The following SFMBT2 variants were observed in gnomAD, a reference collection of about 807,000 sequenced individuals.
SFMBT2 encodes scm-like with four MBT domains protein 2.
In SFMBT2, 38 loss-of-function variants were observed where a neutral mutation model predicts 110.1. The observed-to-expected ratio is 0.35, with a 90% confidence interval of 0.27 to 0.45. The LOEUF (loss-of-function observed/expected upper bound fraction) is 0.45, where lower values mean the gene tolerates loss of function less well. SFMBT2 is among the 20% of genes least tolerant of loss of function. The pLI is 1.00. For missense variants in SFMBT2, 1,011 were observed against 1,094.9 expected (o/e 0.92, Z 1.08); for synonymous variants, 425 against 425.4 (o/e 1.00, Z 0.01).
At chr10:7,233,619 C>G (rs930792826) in intron 9 of SFMBT2, among the ~76,000 whole-genome samples, 7 of 152,226 alleles carry the variant, frequency 4.6e-5, no homozygotes, top group African/African-American at 1.7e-4. Flanking sequence ...AATGTTGATG[C>G]AACAGAACCT....
intron 4 of SFMBT2, among the ~76,000 whole-genome samples, chr10:7,317,705 A>G (rs1359227050): frequency 6.6e-6 from 1 of 151,296 alleles, no homozygotes; most frequent in African/African-American, 2.4e-5. Context: ...GACCTGGTCC[A>G]CAGAGGAGAA....
chr10:7,326,721 T>C (rs1338417667), intron 4 of SFMBT2, among the ~76,000 whole-genome samples: 3 of 152,230 alleles, frequency 2.0e-5, no homozygotes, highest in African/African-American at 7.2e-5. Context: ...CTGATTAGCC[T>C]CCGTTTTGAG....
At chr10:7,378,795 G>A (rs1216436981) in intron 2 of SFMBT2, among the ~76,000 whole-genome samples, 1 of 145,772 alleles carries the variant, frequency 6.9e-6, no homozygotes, top group Non-Finnish European at 1.5e-5. Flanking sequence ...GTGGGTGTGT[G>A]TGGCTGTGGG....
At chr10:7,190,479 A>C (rs915999708) in intron 15 of SFMBT2, among the ~76,000 whole-genome samples, 1 of 152,248 alleles carries the variant, frequency 6.6e-6, no homozygotes, top group Non-Finnish European at 1.5e-5. Context: ...GCAGCAATTA[A>C]ATTATGAAAA....
At chr10:7,389,322 C>A (rs1407661553) in intron 1 of SFMBT2, among the ~76,000 whole-genome samples, 1 of 152,010 alleles carries the variant, frequency 6.6e-6, no homozygotes, top group Non-Finnish European at 1.5e-5. Flanking sequence ...TTTTAAAAAG[C>A]CTTTTCCTAA....
chr10:7,249,091 C>T (rs1840715357), intron 7 of SFMBT2: 8 of 981,212 alleles, frequency 8.2e-6, no homozygotes, highest in Non-Finnish European at 8.5e-6. Context: ...TGTCTAAGAG[C>T]ACACAGCTTA....
rs1420161738 is a variant in SFMBT2, at chr10:7,342,353, G to C, written c.436+25296C>G. ...GGGAACCAGAATATCCTTCTAGAAGGGACGGAGAGCCTACAGAATTTAGGA... is the reference window on the plus strand; with the variant it reads ...GGGAACCAGAATATCCTTCTAGAAGCGACGGAGAGCCTACAGAATTTAGGA... On this transcript the variant is annotated intron_variant, in intron 4 of 20. Coordinates refer to ENST00000397167, the MANE Select transcript of SFMBT2 (RefSeq NM_001387889.1). Among the ~76,000 whole-genome samples, 5 of 150,910 alleles carry C rather than the reference G, an allele frequency of 3.3e-5. No individual in the cohort carries two copies. The East Asian group carries it at 9.7e-4, about 29-fold the overall frequency.
chr10:7,195,784 T>C (rs1265286050), intron 15 of SFMBT2, among the ~76,000 whole-genome samples: 1 of 152,214 alleles, frequency 6.6e-6, no homozygotes, highest in African/African-American at 2.4e-5. Flanking sequence ...TGCCAGGTCC[T>C]GTCCTGGAAC....
At chr10:7,327,708 A>C (rs1221445304) in intron 4 of SFMBT2, among the ~76,000 whole-genome samples, 1 of 152,036 alleles carries the variant, frequency 6.6e-6, no homozygotes, top group Non-Finnish European at 1.5e-5. Flanking sequence ...AACGTCATAT[A>C]AATGGAATCT....
At chr10:7,324,779 T>C (rs758887671) in intron 4 of SFMBT2, among the ~76,000 whole-genome samples, 41 of 152,232 alleles carry the variant, frequency 2.7e-4, no homozygotes, top group Middle Eastern at 3.4e-3. Context: ...TCCTGGTTTG[T>C]AGGTGGCCGC....
intron 6 of SFMBT2, chr10:7,277,588 G>T (rs968431393): frequency 7.0e-5 from 11 of 157,882 alleles, no homozygotes; most frequent in Admixed American, 1.3e-4. Context: ...CAGTGGGAGG[G>T]GGGGCAAGAT....
chr10:7,381,064 CAT>C (rs1453311355), intron 2 of SFMBT2, among the ~76,000 whole-genome samples: 2 of 145,442 alleles, frequency 1.4e-5, no homozygotes, highest in African/African-American at 5.5e-5. Context: ...CACACACACA[CAT>C]ACACACATAC....
At position 7,164,005 on chromosome 10, in the gene SFMBT2, A is replaced by G. The variant is rs373088354; in HGVS notation, c.2545-95T>C. 71 of 1,471,190 alleles carry G rather than the reference A, an allele frequency of 4.8e-5. No individual in the cohort carries two copies. The African/African-American group carries it at 8.7e-4, about 18-fold the overall frequency. 91.1% of individuals were successfully genotyped at this position (1,471,190 alleles called of 1,614,324 possible). A position where few individuals can be genotyped will look rare whatever the true frequency, so the allele number is the denominator to read the frequency against. On this transcript the variant is annotated intron_variant, in intron 20 of 20. Coordinates refer to ENST00000397167, the MANE Select transcript of SFMBT2 (RefSeq NM_001387889.1). ...GCTCCAGTCCGGGGCCAAACATGACAACAGGATGCTCTTGTTTCATTCAAT... is the reference window on the plus strand; with the variant it reads ...GCTCCAGTCCGGGGCCAAACATGACGACAGGATGCTCTTGTTTCATTCAAT...
Position 7,276,882 on chromosome 10 carries a change from A to T in SFMBT2, c.870+10T>A. 1 of 866,334 alleles carries T rather than the reference A, an allele frequency of 1.2e-6. No individual in the cohort carries two copies. Among genetic ancestry groups the T allele is most frequent in the Non-Finnish European group, 2.0e-6 (1 of 495,690 alleles). 53.7% of individuals were successfully genotyped at this position (866,334 alleles called of 1,614,324 possible). On this transcript the variant is annotated intron_variant, in intron 7 of 20. Coordinates refer to ENST00000397167, the MANE Select transcript of SFMBT2 (RefSeq NM_001387889.1). Reference sequence around the variant, plus strand: ...AAGGGTAGATACATTGCTAAGAATCAACATCTTACCTTAAACACTTCCATT... The same window carrying T: ...AAGGGTAGATACATTGCTAAGAATCTACATCTTACCTTAAACACTTCCATT...
intron 4 of SFMBT2, among the ~76,000 whole-genome samples, chr10:7,359,136 CT>C (rs972172259): frequency 2.2e-4 from 33 of 152,240 alleles, no homozygotes; most frequent in African/African-American, 7.5e-4. Context: ...GCCAGACATC[CT>C]GCAGGCCGAG....
In SFMBT2 at chr10:7,301,856, T is replaced by C. The variant is rs551456279; in HGVS notation, c.437-15902A>G. On this transcript the variant is annotated intron_variant, in intron 4 of 20. Coordinates refer to ENST00000397167, the MANE Select transcript of SFMBT2 (RefSeq NM_001387889.1). This position sits in a 1 kb window ranked among gnomAD's most constrained non-coding sequence, Gnocchi z 4.2. Reference sequence around the variant, plus strand: ...ACTATCGAAGGGGAAAAAAAACCACTGGTGTAGAATTTTTTAAAAAACCGT... The same window carrying C: ...ACTATCGAAGGGGAAAAAAAACCACCGGTGTAGAATTTTTTAAAAAACCGT... 2.0e-5 allele frequency among the ~76,000 whole-genome samples: 3 copies of C among 151,978 alleles called. No individual in the cohort carries two copies. The highest frequency in any genetic ancestry group is 4.8e-5 in the African/African-American group (2 of 41,372).
chr10:7,170,831 C>G lies in SFMBT2; in HGVS notation c.2544+97G>C. On this transcript the variant is annotated intron_variant, in intron 20 of 20. Transcript: ENST00000397167. The surrounding 1 kb of genome is among the most constrained non-coding windows in gnomAD (Gnocchi z 4.6). ...CTGCCGAGCAGCGCCGAAGAACCCC[C>G]TCGCAGGTGTCACGAGGAAGCCGGC... is the stretch of plus-strand genomic sequence containing the variant. 1 of 1,473,354 alleles carries G rather than the reference C, an allele frequency of 6.8e-7. No homozygotes were observed. The highest frequency in any genetic ancestry group is 9.3e-7 in the Non-Finnish European group (1 of 1,069,924). 91.3% of individuals were successfully genotyped at this position (1,473,354 alleles called of 1,614,324 possible).
At chr10:7,237,748 A>G (rs1840302399) in intron 9 of SFMBT2, among the ~76,000 whole-genome samples, 1 of 152,222 alleles carries the variant, frequency 6.6e-6, no homozygotes, top group Non-Finnish European at 1.5e-5. Context: ...AATGAAAAAC[A>G]AGACAAACAA....
At chr10:7,310,433 G>A (rs1195521264) in intron 4 of SFMBT2, among the ~76,000 whole-genome samples, 2 of 152,176 alleles carry the variant, frequency 1.3e-5, no homozygotes, top group Non-Finnish European at 2.9e-5. Context: ...GGTGAACTTT[G>A]TTTCTGTCCT....
Sources: gnomAD v4.1 joint callset for allele counts (sites outside exome capture counted in the v4.1 genomes callset) on GRCh38, gnomAD v4.1.1 for gene constraint, Gnocchi (gnomAD v3.1) non-coding constraint, MANE v1.5 for transcripts, NCBI Gene and HGNC (gene_info 2026-07-23, HGNC 2026-07-21) for gene names.